The following CACNA2D3 variants were observed in gnomAD, a reference collection of about 807,000 sequenced individuals.
CACNA2D3 encodes calcium voltage-gated channel auxiliary subunit alpha2delta 3.
CACNA2D3 carries 60 observed loss-of-function variants against 160.6 expected under a neutral mutation model. That is an observed-to-expected ratio of 0.37 (90% CI 0.30 to 0.46). The LOEUF is 0.46. Among genes scored for constraint, CACNA2D3 ranks in the 20% least tolerant of loss-of-function variants. CACNA2D3 has a pLI of 1.00. For synonymous variants in CACNA2D3, 558 were observed against 492.9 expected (o/e 1.13, Z -1.75); for missense variants, 1,205 against 1,365.0 (o/e 0.88, Z 1.85).
chr3:54,138,335 G>C lies in CACNA2D3; in HGVS notation c.204+14741G>C, dbSNP rs527608004. The stretch of plus-strand genomic sequence containing the variant: ...TGGAGATGGCATGCTGGGGAGCAGT[G>C]GGGAGGACATGTGAGAGAGAGCGGG... On this transcript the variant is annotated intron_variant, in intron 2 of 37. Transcript: ENST00000474759. Among the ~76,000 whole-genome samples, 170 of 152,326 alleles carry C rather than the reference G, an allele frequency of 1.1e-3. No homozygotes were observed. The Middle Eastern group carries it at 0.014, about 12-fold the overall frequency.
intron 9 of CACNA2D3, among the ~76,000 whole-genome samples, chr3:54,583,524 T>C (rs955653290): frequency 6.6e-6 from 1 of 152,172 alleles, no homozygotes; most frequent in African/African-American, 2.4e-5. Context: ...GTATTCCTTA[T>C]CTAAAATGGT....
At chr3:54,559,064 A>AG (rs1559512520) in intron 5 of CACNA2D3, among the ~76,000 whole-genome samples, 1 of 151,416 alleles carries the variant, frequency 6.6e-6, no homozygotes, top group African/African-American at 2.4e-5. Context: ...TTAATAACTC[A>AG]TGTAGTCATT....
chr3:54,625,461 CAT>C (rs1699076251), intron 9 of CACNA2D3, among the ~76,000 whole-genome samples: 1 of 152,098 alleles, frequency 6.6e-6, no homozygotes, highest in African/African-American at 2.4e-5. Flanking sequence ...TGGAACCTCA[CAT>C]GATTGTCATG....
chr3:54,704,167 A>G (rs1190534093), intron 11 of CACNA2D3, among the ~76,000 whole-genome samples: 1 of 152,244 alleles, frequency 6.6e-6, no homozygotes, highest in Non-Finnish European at 1.5e-5. Flanking sequence ...GCCAATGCAA[A>G]TGCAGGAGGG....
intron 2 of CACNA2D3, among the ~76,000 whole-genome samples, chr3:54,230,476 T>C (rs926939557): frequency 6.6e-6 from 1 of 152,222 alleles, no homozygotes; most frequent in Non-Finnish European, 1.5e-5. Flanking sequence ...ATAATTTCTG[T>C]AGATAATTTC....
chr3:54,359,961 G>A (rs1698714284), intron 3 of CACNA2D3, among the ~76,000 whole-genome samples: 1 of 152,134 alleles, frequency 6.6e-6, no homozygotes, highest in African/African-American at 2.4e-5. Context: ...ACTAGGTGAA[G>A]GACATGTATC....
chr3:54,833,734 G>C (rs1028392943), intron 14 of CACNA2D3, among the ~76,000 whole-genome samples: 24 of 152,288 alleles, frequency 1.6e-4, no homozygotes, highest in African/African-American at 4.8e-4. Context: ...ACAGAGTCCA[G>C]ACCTGTGGGG....
chr3:54,180,046 G>C (rs2107321600), intron 2 of CACNA2D3, among the ~76,000 whole-genome samples: 1 of 145,392 alleles, frequency 6.9e-6, no homozygotes, highest in Admixed American at 6.8e-5. Flanking sequence ...TTTTATTTTT[G>C]CATTTTATGT....
chr3:54,921,871 G>T (rs17320026), intron 27 of CACNA2D3, among the ~76,000 whole-genome samples: 11,390 of 150,936 alleles, frequency 0.075, 611 homozygotes, highest in Non-Finnish European at 0.12. Flanking sequence ...ATGTCGGTTA[G>T]CCTGCCCTAA....
intron 11 of CACNA2D3, among the ~76,000 whole-genome samples, chr3:54,660,223 C>T (rs959605142): frequency 6.6e-6 from 1 of 151,300 alleles, no homozygotes; most frequent in African/African-American, 2.4e-5. Context: ...TGCAGTGGCA[C>T]CATCTTGGCT....
intron 8 of CACNA2D3, among the ~76,000 whole-genome samples, chr3:54,571,141 CAATT>C (rs1005655956): frequency 3.2e-4 from 49 of 152,156 alleles, no homozygotes; most frequent in Middle Eastern, 3.4e-3. Flanking sequence ...TTCTGGTTGA[CAATT>C]GGTTGAGTTT....
intron 2 of CACNA2D3, among the ~76,000 whole-genome samples, chr3:54,310,060 C>A (rs949773287): frequency 6.6e-6 from 1 of 152,020 alleles, no homozygotes; most frequent in Admixed American, 6.5e-5. Context: ...GGATTGTCCT[C>A]AAACTTCACT....
At chr3:54,376,499 C>T (rs187676830) in intron 3 of CACNA2D3, among the ~76,000 whole-genome samples, 104 of 152,266 alleles carry the variant, frequency 6.8e-4, no homozygotes, top group African/African-American at 2.3e-3. Flanking sequence ...ATGACTAAAG[C>T]ACTTAGGACA....
intron 2 of CACNA2D3, among the ~76,000 whole-genome samples, chr3:54,192,671 G>GGTGTGTGTGT (rs147191768): frequency 1.3e-5 from 2 of 149,592 alleles, no homozygotes; most frequent in Admixed American, 6.7e-5. Context: ...CCATATGTGA[G>GGTGTGTGTGT]GTGTGTGTGT....
At chr3:54,250,954 A>G (rs539392298) in intron 2 of CACNA2D3, among the ~76,000 whole-genome samples, 102 of 152,260 alleles carry the variant, frequency 6.7e-4, no homozygotes, top group Admixed American at 1.1e-3. Context: ...GGCCAATGAC[A>G]GGAAGGAGTA....
At chr3:54,158,411 C>A (rs1700281609) in intron 2 of CACNA2D3, among the ~76,000 whole-genome samples, 1 of 152,138 alleles carries the variant, frequency 6.6e-6, no homozygotes, top group African/African-American at 2.4e-5. Flanking sequence ...AGGAGCTCAT[C>A]TTGAGCTTTA....
intron 9 of CACNA2D3, among the ~76,000 whole-genome samples, chr3:54,615,443 T>A (rs1031263071): frequency 2.0e-5 from 3 of 152,152 alleles, no homozygotes; most frequent in African/African-American, 7.2e-5. Context: ...AAAATCTGGA[T>A]TCTGGAATGC....
chr3:54,527,867 G>A (rs2106637860), intron 5 of CACNA2D3, among the ~76,000 whole-genome samples: 1 of 152,300 alleles, frequency 6.6e-6, no homozygotes, highest in South Asian at 2.1e-4. Context: ...GTGCCTTGCT[G>A]TTCTTACTGA....
At chr3:54,734,811 C>A (rs1701464430) in intron 11 of CACNA2D3, among the ~76,000 whole-genome samples, 1 of 152,194 alleles carries the variant, frequency 6.6e-6, no homozygotes, top group Non-Finnish European at 1.5e-5. Context: ...TGGGCTATTA[C>A]ATAACAAAAG....
Sources: gnomAD v4.1 joint callset for allele counts (sites outside exome capture counted in the v4.1 genomes callset) on GRCh38, gnomAD v4.1.1 for gene constraint, MANE v1.5 for transcripts, NCBI Gene and HGNC (gene_info 2026-07-23, HGNC 2026-07-21) for gene names.